Variants in PEMT observed in about 807,000 individuals in gnomAD.
PEMT encodes the protein phosphatidylethanolamine N-methyltransferase, also known as phospholipid methyltransferase.
Under a neutral mutation model 27.4 loss-of-function variants are expected in PEMT, and 23 were observed. That is an observed-to-expected ratio of 0.84 (90% CI 0.60 to 1.19). The LOEUF (loss-of-function observed/expected upper bound fraction) is 1.19, where lower values mean the gene tolerates loss of function less well. PEMT is among the 50% of genes most tolerant of loss of function. The pLI, the probability that PEMT is intolerant of heterozygous loss-of-function variation, is 0.00. For synonymous variants in PEMT, 137 were observed against 139.1 expected (o/e 0.98, Z 0.11); for missense variants, 307 against 310.1 (o/e 0.99, Z 0.07).
At chr17:17,556,901 C>T (rs1876163658) in intron 2 of PEMT, among the ~76,000 whole-genome samples, 1 of 152,198 alleles carries the variant, frequency 6.6e-6, no homozygotes, top group Non-Finnish European at 1.5e-5. Flanking sequence ...CACTGCCTCT[C>T]AGTGGGAAAG....
intron 3 of PEMT, among the ~76,000 whole-genome samples, chr17:17,516,854 C>T (rs963001539): frequency 1.3e-5 from 2 of 152,204 alleles, no homozygotes; most frequent in Non-Finnish European, 2.9e-5. Context: ...ACCCCTTACT[C>T]TCCAGCTGCC....
Position 17,587,800 on chromosome 17 carries a change from C to T in PEMT, c.96+3731G>A, listed in dbSNP as rs145915223. ...CTGAGGTGGGGGAATTGCTTGAACT[C>T]GGGAGGCGGAGGTTGCAATGAGCTG... is the stretch of plus-strand genomic sequence containing the variant. On this transcript the variant is annotated intron_variant, in intron 1 of 6. Transcript: ENST00000255389. 3.3e-3 allele frequency among the ~76,000 whole-genome samples: 503 copies of T among 152,244 alleles called. 3 individuals are homozygous for T. The highest frequency in any genetic ancestry group is 4.3e-3 in the Admixed American group (65 of 15,290).
intron 3 of PEMT, chr17:17,518,288 G>T (rs912720419): frequency 4.3e-5 from 16 of 371,250 alleles, no homozygotes; most frequent in Admixed American, 6.4e-5. Flanking sequence ...TCCACGCCTC[G>T]CCCACCCCCG....
chr17:17,587,145 C>A (rs536068346), intron 1 of PEMT, among the ~76,000 whole-genome samples: 1 of 152,106 alleles, frequency 6.6e-6, no homozygotes, highest in South Asian at 2.1e-4. Context: ...AAAGCTGGTT[C>A]TTTGGGGAAA....
chr17:17,582,483 G>A lies in PEMT; in HGVS notation c.97-5456C>T. 1.0e-6 allele frequency: 1 copy of A among 961,046 alleles called. No homozygotes were observed. The highest frequency in any genetic ancestry group is 4.8e-5 in the South Asian group (1 of 20,866). 59.5% of individuals were successfully genotyped at this position (961,046 alleles called of 1,614,324 possible). On this transcript the variant is annotated intron_variant, in intron 1 of 6. Coordinates refer to ENST00000255389, the MANE Select transcript of PEMT (RefSeq NM_148172.3). The surrounding 1 kb of genome is among the most constrained non-coding windows in gnomAD (Gnocchi z 4.9). ...TCACATTGTGACACATGGACAAACAGCAGGCCTGGACAGGCAAAGTCACAT... is the reference window on the plus strand; with the variant it reads ...TCACATTGTGACACATGGACAAACAACAGGCCTGGACAGGCAAAGTCACAT...
At chr17:17,530,765 C>A (rs1908032856) in intron 2 of PEMT, among the ~76,000 whole-genome samples, 1 of 151,906 alleles carries the variant, frequency 6.6e-6, no homozygotes, top group Admixed American at 6.6e-5. Context: ...ATTTAGGATC[C>A]AAGCTTCCTA....
intron 1 of PEMT, among the ~76,000 whole-genome samples, chr17:17,584,149 C>G (rs1220550260): frequency 6.6e-6 from 1 of 152,004 alleles, no homozygotes. Context: ...GAGCTTCACC[C>G]CATTTTCTTT....
At chr17:17,509,174 C>T (rs996521185) in intron 5 of PEMT, among the ~76,000 whole-genome samples, 4 of 152,394 alleles carry the variant, frequency 2.6e-5, no homozygotes, top group South Asian at 2.1e-4. Flanking sequence ...GGCTGAGCAG[C>T]TGTGACCTGC....
intron 2 of PEMT, among the ~76,000 whole-genome samples, chr17:17,550,742 C>T (rs1597920346): frequency 6.6e-6 from 1 of 152,160 alleles, no homozygotes; most frequent in Admixed American, 6.5e-5. Flanking sequence ...GACAGGACGC[C>T]GTTCCATCAC....
At chr17:17,592,077 G>A, upstream of PEMT, 1 of 985,450 alleles carries the variant, frequency 1.0e-6, no homozygotes, top group Non-Finnish European at 1.2e-6. Context: ...CTTGGCCCGG[G>A]TCACACACGC....
chr17:17,565,518 C>T (rs1436399686), intron 2 of PEMT, among the ~76,000 whole-genome samples: 2 of 152,256 alleles, frequency 1.3e-5, no homozygotes, highest in African/African-American at 4.8e-5. Context: ...CTAAGTCTCA[C>T]TGTGCCACGC....
In PEMT at chr17:17,591,598, T is replaced by C; in HGVS notation, c.29A>G (p.Glu10Gly). The C allele has an allele frequency of 6.2e-7, 1 of 1,613,392 alleles. No homozygotes were observed. The highest frequency in any genetic ancestry group is 8.5e-7 in the Non-Finnish European group (1 of 1,179,716). The change falls in exon 1 of 7, where the codon GAG (glutamate) becomes GGG (glycine). Residue 10 changes from glutamate to glycine, a missense_variant. Physicochemically the swap from Glu to Gly is moderately conservative, Grantham distance 98. Transcript: ENST00000255389. MKRSGNPGA[E>G]VTNSSVAGPD... is the part of the protein sequence containing the mutation. ...CCCTGCCACCGAGCTGTTCGTTACC[T>C]CGGCTCCCGGGTTCCCAGATCTCTT...
At chr17:17,550,587 A>G (rs1909588100) in intron 2 of PEMT, among the ~76,000 whole-genome samples, 1 of 152,240 alleles carries the variant, frequency 6.6e-6, no homozygotes, top group East Asian at 1.9e-4. Context: ...TTCGGATCCC[A>G]TCATTTATTG....
At chr17:17,517,735 TAC>T (rs1206866693) in intron 3 of PEMT, among the ~76,000 whole-genome samples, 1 of 152,180 alleles carries the variant, frequency 6.6e-6, no homozygotes, top group East Asian at 1.9e-4. Flanking sequence ...GCCTCTAGTA[TAC>T]AGAGCGCTGA....
intron 3 of PEMT, among the ~76,000 whole-genome samples, chr17:17,522,052 G>T (rs1446583793): frequency 1.3e-5 from 2 of 152,188 alleles, no homozygotes; most frequent in South Asian, 4.1e-4. Context: ...ATTGTCCCTT[G>T]CCCCCCATTC....
rs770349330 is a variant in PEMT, at chr17:17,577,035, G to C, written c.97-8C>G. ...CATAACGCAGAAGTCTGCCTGCAGG[G>C]ACAGAGCTAGCATCAGCACCACCCA... On this transcript the variant is annotated splice_region_variant and splice_polypyrimidine_tract_variant and intron_variant, in intron 1 of 6. Transcript: ENST00000255389. 3 of 1,607,230 alleles carry C rather than the reference G, an allele frequency of 1.9e-6. No individual in the cohort carries two copies. Among genetic ancestry groups the C allele is most frequent in the Admixed American group, 3.3e-5 (2 of 60,000 alleles).
Position 17,582,230 on chromosome 17 carries a change from G to A in PEMT, c.97-5203C>T, listed in dbSNP as rs1912016101. Reference sequence around the variant, plus strand: ...CCACTCCAAGGCTCCAGGTTGCAGAGGCCTCGGAATCTGACTAAAGGAAAG... The same window carrying A: ...CCACTCCAAGGCTCCAGGTTGCAGAAGCCTCGGAATCTGACTAAAGGAAAG... On this transcript the variant is annotated intron_variant, in intron 1 of 6. Transcript: ENST00000255389. The surrounding 1 kb of genome is among the most constrained non-coding windows in gnomAD (Gnocchi z 4.9). 4.1e-6 allele frequency: 4 copies of A among 980,254 alleles called. No individual in the cohort carries two copies. The highest frequency in any genetic ancestry group is 1.2e-4 in the Admixed American group (2 of 16,256). 60.7% of individuals were successfully genotyped at this position (980,254 alleles called of 1,614,324 possible).
intron 1 of PEMT, among the ~76,000 whole-genome samples, chr17:17,584,839 C>T (rs1269202384): frequency 1.3e-5 from 2 of 152,252 alleles, no homozygotes; most frequent in Non-Finnish European, 2.9e-5. Flanking sequence ...AGCCATCTCC[C>T]CTCGCTGAGC....
At position 17,512,721 on chromosome 17, in the gene PEMT, C is replaced by T. The variant is rs568268220; in HGVS notation, c.321-67G>A. On this transcript the variant is annotated intron_variant, in intron 3 of 6. Transcript: ENST00000255389. The surrounding 1 kb of genome is among the most constrained non-coding windows in gnomAD (Gnocchi z 6.3). ...AGGATGTCACAGCCCGGGAGGAGGC[C>T]GACCTCATCTTCTCGCCCTCTCCCC... 39 of 1,391,224 alleles carry T rather than the reference C, an allele frequency of 2.8e-5. No homozygotes were observed. Among genetic ancestry groups the T allele is most frequent in the Middle Eastern group, 2.2e-4 (1 of 4,642 alleles). 86.2% of individuals were successfully genotyped at this position (1,391,224 alleles called of 1,614,324 possible). A position where few individuals can be genotyped will look rare whatever the true frequency, so the allele number is the denominator to read the frequency against.
Sources: gnomAD v4.1 joint callset for allele counts (sites outside exome capture counted in the v4.1 genomes callset) on GRCh38, gnomAD v4.1.1 for gene constraint, Gnocchi (gnomAD v3.1) non-coding constraint, MANE v1.5 for transcripts, NCBI Gene and HGNC (gene_info 2026-07-23, HGNC 2026-07-21) for gene names.